PDE8A: variants seen among roughly 807,000 people sequenced by gnomAD.
The protein encoded by PDE8A is phosphodiesterase 8A.
A neutral mutation model predicts 105.0 loss-of-function variants in PDE8A; 59 were observed. The observed-to-expected ratio is 0.56, with a 90% CI of 0.46 to 0.70. PDE8A has a LOEUF of 0.70. Among genes scored for constraint, PDE8A ranks in the 30% least tolerant of loss-of-function variants. PDE8A has a pLI of 0.00. For synonymous variants in PDE8A, 355 were observed against 371.9 expected, an observed-to-expected ratio of 0.95 and a Z score of 0.52; for missense variants, 1,014 against 1,045.9, an observed-to-expected ratio of 0.97 and a Z score of 0.42.
chr15:85,090,735 C>G (rs773017570), intron 7 of PDE8A: 1 of 475,604 alleles, frequency 2.1e-6, no homozygotes, highest in African/African-American at 2.0e-5. Flanking sequence ...GTAGCAGCTC[C>G]TGGTTTGGCG....
At chr15:85,057,319 C>T (rs1252643993) in intron 1 of PDE8A, among the ~76,000 whole-genome samples, 1 of 152,146 alleles carries the variant, frequency 6.6e-6, no homozygotes, top group African/African-American at 2.4e-5. Context: ...CTGGGAGGAC[C>T]ACTACTCTCT....
At chr15:85,099,969 A>C (rs145317941) in intron 9 of PDE8A, 46 bp from the exon 10 acceptor site, 5 of 1,487,382 alleles carry the variant, frequency 3.4e-6, no homozygotes, top group Non-Finnish European at 4.6e-6. Context: ...ATATCCATCA[A>C]ATTAGAGACT....
intron 11 of PDE8A, among the ~76,000 whole-genome samples, chr15:85,106,066 A>G (rs114123559): frequency 7.8e-4 from 119 of 152,324 alleles, no homozygotes; most frequent in African/African-American, 2.8e-3. Context: ...TTGTATTTAC[A>G]TAAAGTAACT....
At chr15:85,096,617 G>A (rs1042759576) in intron 8 of PDE8A, among the ~76,000 whole-genome samples, 2 of 152,160 alleles carry the variant, frequency 1.3e-5, no homozygotes, top group Non-Finnish European at 2.9e-5. Flanking sequence ...TGCAAGTTGT[G>A]GACATGGAGG....
chr15:85,087,769 G>A (rs1567275526), intron 6 of PDE8A, among the ~76,000 whole-genome samples: 2 of 152,162 alleles, frequency 1.3e-5, no homozygotes, highest in Non-Finnish European at 2.9e-5. Context: ...TGTATAGTGT[G>A]CCAGTGAGAA....
intron 1 of PDE8A, among the ~76,000 whole-genome samples, chr15:85,023,326 G>T (rs1265339618): frequency 6.6e-6 from 1 of 152,178 alleles, no homozygotes; most frequent in East Asian, 1.9e-4. Context: ...AGTCTGCAAG[G>T]CTCTGTTATT....
intron 12 of PDE8A, among the ~76,000 whole-genome samples, chr15:85,110,512 G>A (rs374993990): frequency 7.0e-4 from 106 of 152,176 alleles, no homozygotes; most frequent in African/African-American, 2.4e-3. Flanking sequence ...AAATTAATTC[G>A]GCCTCTCCTT....
intron 8 of PDE8A, among the ~76,000 whole-genome samples, chr15:85,093,857 G>A (rs1256006130): frequency 6.9e-6 from 1 of 145,308 alleles, no homozygotes; most frequent in African/African-American, 2.7e-5. Context: ...TTCTCTTTTA[G>A]AGATCTTTTT....
chr15:85,042,664 C>T (rs1190348303), intron 1 of PDE8A, among the ~76,000 whole-genome samples: 2 of 152,182 alleles, frequency 1.3e-5, no homozygotes, highest in African/African-American at 4.8e-5. Flanking sequence ...AGGATGCCTT[C>T]TTTGTTCTAG....
chr15:85,039,364 G>A (rs1448846414), intron 1 of PDE8A, among the ~76,000 whole-genome samples: 1 of 151,902 alleles, frequency 6.6e-6, no homozygotes, highest in East Asian at 1.9e-4. Flanking sequence ...GGGAGGTTGA[G>A]ACTGCAGTGA....
At chr15:85,035,024 G>A (rs896749649) in intron 1 of PDE8A, among the ~76,000 whole-genome samples, 5 of 152,044 alleles carry the variant, frequency 3.3e-5, no homozygotes, top group African/African-American at 1.2e-4. Flanking sequence ...CAGAAACAAT[G>A]GACAGATACC....
intron 1 of PDE8A, among the ~76,000 whole-genome samples, chr15:85,006,985 G>C (rs1435252703): frequency 2.6e-5 from 4 of 152,190 alleles, no homozygotes; most frequent in Non-Finnish European, 5.9e-5. Flanking sequence ...GGGACATTGT[G>C]CATTTAATTA....
intron 1 of PDE8A, among the ~76,000 whole-genome samples, chr15:85,028,790 C>A (rs1400917210): frequency 8.8e-5 from 13 of 148,304 alleles, no homozygotes; most frequent in Admixed American, 8.7e-4. Flanking sequence ...GACTTCCCAT[C>A]TGCTCTGTCT....
At chr15:85,106,627 A>G (rs947715519) in intron 11 of PDE8A, among the ~76,000 whole-genome samples, 1 of 152,234 alleles carries the variant, frequency 6.6e-6, no homozygotes, top group African/African-American at 2.4e-5. Flanking sequence ...ATTTGAAGGA[A>G]TGAACACTTG....
At chr15:85,117,541 C>A in intron 16 of PDE8A, 100 bp from the exon 17 acceptor site, 1 of 980,138 alleles carries the variant, frequency 1.0e-6, no homozygotes, top group Non-Finnish European at 1.6e-6. Flanking sequence ...CTTTGCTGCC[C>A]TGCACTCTCT....
At chr15:85,073,860 C>G (rs1208579803) in intron 3 of PDE8A, among the ~76,000 whole-genome samples, 2 of 152,212 alleles carry the variant, frequency 1.3e-5, no homozygotes, top group South Asian at 4.1e-4. Context: ...TCCCATAGCT[C>G]TTCCCCAGGA....
chr15:85,017,900 G>C (rs376910284), intron 1 of PDE8A, among the ~76,000 whole-genome samples: 2 of 63,058 alleles, frequency 3.2e-5, no homozygotes, highest in East Asian at 9.0e-4. Flanking sequence ...AAAAAAAAAA[G>C]CAATAGTGGG....
intron 1 of PDE8A, among the ~76,000 whole-genome samples, chr15:85,006,904 G>C (rs1258917168): frequency 6.6e-6 from 1 of 152,140 alleles, no homozygotes; most frequent in Non-Finnish European, 1.5e-5. Flanking sequence ...TAGTCCCTAC[G>C]AAGAGGAGAG....
rs144471863 is a variant in PDE8A at position 85,033,843 on chromosome 15, C to T, written c.187-30527C>T. ...TTGTGCCGCTGCACTCCAGCCTGGGCGATAGAGCAAGACGTGGTCTCAAAA... is the reference window on the plus strand; with the variant it reads ...TTGTGCCGCTGCACTCCAGCCTGGGTGATAGAGCAAGACGTGGTCTCAAAA... On this transcript the variant is annotated intron_variant, in intron 1 of 21. Transcript: ENST00000394553. 3.1e-3 allele frequency among the ~76,000 whole-genome samples: 477 copies of T among 152,014 alleles called. 2 individuals are homozygous for T. The highest frequency in any genetic ancestry group is 0.011 in the African/African-American group (462 of 41,464).
Sources: allele counts gnomAD v4.1 joint callset (sites outside exome capture counted in the v4.1 genomes callset), GRCh38; gene constraint gnomAD v4.1.1; transcripts MANE v1.5; gene names NCBI Gene and HGNC (gene_info 2026-07-23, HGNC 2026-07-21).